Variants in CCDC25 observed in about 807,000 individuals in gnomAD.
The protein encoded by CCDC25 is coiled-coil domain containing 25.
In CCDC25, 16 loss-of-function variants were observed where a neutral mutation model predicts 35.3. The observed-to-expected ratio is 0.45, with a 90% CI of 0.31 to 0.69. The LOEUF (loss-of-function observed/expected upper bound fraction) is 0.69. Ranked by LOEUF, CCDC25 falls within the 30% of genes least tolerant of loss-of-function variation. The probability of loss-of-function intolerance (pLI) is 0.06; values close to 1 mark genes in which losing one functional copy is unlikely to be tolerated. For missense variants in CCDC25, 179 were observed against 250.7 expected (o/e 0.71, Z 1.93); for synonymous variants, 79 against 80.3 (o/e 0.98, Z 0.09).
intron 3 of CCDC25, among the ~76,000 whole-genome samples, chr8:27,760,557 T>A (rs1025618909): frequency 3.9e-4 from 59 of 152,102 alleles, no homozygotes; most frequent in African/African-American, 1.4e-3. Flanking sequence ...AATTAGGAAA[T>A]CAACCAATAT....
At chr8:27,744,963 G>A (rs13280942) in intron 7 of CCDC25, among the ~76,000 whole-genome samples, 45,588 of 151,998 alleles carry the variant, frequency 0.3, 7,987 homozygotes, top group Middle Eastern at 0.4. Flanking sequence ...CCAATTACCT[G>A]AGCTTTGGGT....
intron 5 of CCDC25, among the ~76,000 whole-genome samples, chr8:27,751,138 G>T (rs1437566637): frequency 6.6e-6 from 1 of 152,204 alleles, no homozygotes; most frequent in East Asian, 1.9e-4. Context: ...ACTATGAAGA[G>T]ATTAAGAAGA....
chr8:27,737,875 T>TACACACACAC lies in CCDC25; in HGVS notation c.598-1631_598-1630insGTGTGTGTGT, dbSNP rs200945575. Among the ~76,000 whole-genome samples the TACACACACAC allele has an allele frequency of 0.021, 2,825 of 136,134 alleles. 62 individuals carry two copies. The highest frequency in any genetic ancestry group is 0.056 in the African/African-American group (2,088 of 37,596). 89.3% of individuals were successfully genotyped at this position (136,134 alleles called of 152,430 possible). A position where few individuals can be genotyped will look rare whatever the true frequency, so the allele number is the denominator to read the frequency against. ...GGATAAAGAAACTGTGGTGTGTGTA[T>TACACACACAC]ACACACACTCACACACACACACACA... is the stretch of plus-strand genomic sequence containing the variant. On this transcript the variant is annotated intron_variant, in intron 8 of 8. Transcript: ENST00000356537. The surrounding 1 kb of genome is among the most constrained non-coding windows in gnomAD (Gnocchi z 4.6).
chr8:27,738,381 AAGAG>A (rs1389994728), intron 8 of CCDC25, among the ~76,000 whole-genome samples: 6 of 152,174 alleles, frequency 3.9e-5, no homozygotes, highest in Non-Finnish European at 8.8e-5. Flanking sequence ...TTTTCACTGA[AAGAG>A]AGAATAAAAA....
At chr8:27,767,131 C>T (rs1368420331) in intron 1 of CCDC25, among the ~76,000 whole-genome samples, 2 of 152,210 alleles carry the variant, frequency 1.3e-5, no homozygotes, top group Non-Finnish European at 1.5e-5. Context: ...TTCAGGAGGC[C>T]GCGGTGGGCA....
rs1803268196 is a variant in CCDC25 at position 27,737,283 on chromosome 8, A to ATT, written c.598-1039_598-1038insAA. ...ATGATTGCCCCAGAGTCTTAATCTGAAATAAAAGCAGTAGCAATGTTTGAA... is the reference window on the plus strand; with the variant it reads ...ATGATTGCCCCAGAGTCTTAATCTGATTAATAAAAGCAGTAGCAATGTTTGAA... On this transcript the variant is annotated intron_variant, in intron 8 of 8. Coordinates refer to ENST00000356537, the MANE Select transcript of CCDC25 (RefSeq NM_018246.3). This position sits in a 1 kb window ranked among gnomAD's most constrained non-coding sequence, Gnocchi z 4.6. Among the ~76,000 whole-genome samples, 1 of 152,196 alleles carries ATT rather than the reference A, an allele frequency of 6.6e-6. No individual in the cohort carries two copies.
intron 1 of CCDC25, 41 bp from the exon 2 acceptor site, chr8:27,765,292 C>CA: frequency 5.1e-6 from 7 of 1,377,938 alleles, no homozygotes; most frequent in Non-Finnish European, 6.8e-6. Context: ...GTAACTTCAT[C>CA]ACCAACAAAA....
At chr8:27,763,948 A>G (rs1804313861) in intron 2 of CCDC25, among the ~76,000 whole-genome samples, 1 of 152,174 alleles carries the variant, frequency 6.6e-6, no homozygotes, top group Non-Finnish European at 1.5e-5. Flanking sequence ...CCAAAAGGTA[A>G]GCAAAAAAAG....
At chr8:27,767,416 C>G in intron 1 of CCDC25, among the ~76,000 whole-genome samples, 1 of 152,028 alleles carries the variant, frequency 6.6e-6, no homozygotes. Context: ...TCTCTGCAGG[C>G]CAAGCTGTCT....
Position 27,736,146 on chromosome 8 carries a change from A to G in CCDC25, c.*70T>C. ...TTGTATTTTATATTTCAGAACACAG[A>G]TGAAACCAAAAGGTCTGCAATTGTC... On this transcript the variant is annotated 3_prime_UTR_variant, in exon 9 of 9. Transcript: ENST00000356537. The G allele has an allele frequency of 2.0e-6, 3 of 1,482,518 alleles. No individual in the cohort carries two copies. The highest frequency in any genetic ancestry group is 2.8e-6 in the Non-Finnish European group (3 of 1,081,632). The allele number at this position is 1,482,518 out of a possible 1,614,324, so 91.8% of individuals were successfully genotyped here.
At chr8:27,746,881 G>A (rs1803621287) in intron 7 of CCDC25, among the ~76,000 whole-genome samples, 2 of 152,158 alleles carry the variant, frequency 1.3e-5, no homozygotes, top group Admixed American at 6.5e-5. Context: ...CCTACATTCT[G>A]ACCCAACAAT....
At chr8:27,769,779 CT>C (rs1205022316) in intron 1 of CCDC25, among the ~76,000 whole-genome samples, 2 of 152,194 alleles carry the variant, frequency 1.3e-5, no homozygotes, top group Non-Finnish European at 2.9e-5. Context: ...GAGCCTCAAT[CT>C]TACTTCTAAA....
intron 1 of CCDC25, among the ~76,000 whole-genome samples, chr8:27,770,914 C>A (rs866838163): frequency 1.5e-4 from 23 of 152,078 alleles, no homozygotes; most frequent in Middle Eastern, 3.2e-3. Context: ...TACAGTAGTC[C>A]CCCCTTATCT....
At position 27,733,477 on chromosome 8, in the gene CCDC25, A is replaced by G. The variant is rs1585330631; in HGVS notation, c.*2739T>C. 6.6e-6 allele frequency: 1 copy of G among 152,354 alleles called. No homozygotes were observed. The highest frequency in any genetic ancestry group is 1.5e-5 in the Non-Finnish European group (1 of 68,032). 9.4% of individuals were successfully genotyped at this position (152,354 alleles called of 1,614,324 possible). A position where few individuals can be genotyped will look rare whatever the true frequency, so the allele number is the denominator to read the frequency against. ...ACGTGCCCGGCAGGAAGGAGCTCTCACGAAGTGCCAGCTGGATGTGAGCTT... is the reference window on the plus strand; with the variant it reads ...ACGTGCCCGGCAGGAAGGAGCTCTCGCGAAGTGCCAGCTGGATGTGAGCTT... On this transcript the variant is annotated 3_prime_UTR_variant, in exon 9 of 9. Coordinates refer to ENST00000356537, the MANE Select transcript of CCDC25 (RefSeq NM_018246.3).
At chr8:27,771,481 A>G (rs142286146) in intron 1 of CCDC25, among the ~76,000 whole-genome samples, 144 of 152,342 alleles carry the variant, frequency 9.5e-4, no homozygotes, top group African/African-American at 3.3e-3. Context: ...TAGAACGATT[A>G]TAACAACGTA....
Position 27,759,779 on chromosome 8 carries a change from C to CAAAAAAAAAAAAAAAAAA in CCDC25, c.116+2622_116+2639dup, listed in dbSNP as rs77051762. Among the ~76,000 whole-genome samples the CAAAAAAAAAAAAAAAAAA allele has an allele frequency of 1.6e-3, 149 of 91,204 alleles. 7 individuals carry two copies. Among genetic ancestry groups the CAAAAAAAAAAAAAAAAAA allele is most frequent in the Middle Eastern group, 9.3e-3 (2 of 214 alleles). 59.8% of individuals were successfully genotyped at this position (91,204 alleles called of 152,430 possible). A position where few individuals can be genotyped will look rare whatever the true frequency, so the allele number is the denominator to read the frequency against. Reference sequence around the variant, plus strand: ...TGGGTGACAGAGCAAGACTCTGTCTCAAAAAAAAAAAAAAAAAAAAGATGA... The same window carrying CAAAAAAAAAAAAAAAAAA: ...TGGGTGACAGAGCAAGACTCTGTCTCAAAAAAAAAAAAAAAAAAAAAAAAAAAAAAAAAAAAAAGATGA... On this transcript the variant is annotated intron_variant, in intron 3 of 8. Transcript: ENST00000356537.
At chr8:27,744,216 T>C (rs1212408096) in intron 7 of CCDC25, among the ~76,000 whole-genome samples, 2 of 152,212 alleles carry the variant, frequency 1.3e-5, no homozygotes, top group Admixed American at 6.5e-5. Flanking sequence ...TTATGACATA[T>C]ATAAGTTACT....
chr8:27,740,575 T>C, intron 7 of CCDC25, 58 bp from the exon 8 acceptor site: 1 of 1,475,154 alleles, frequency 6.8e-7, no homozygotes, highest in Non-Finnish European at 9.4e-7. Flanking sequence ...TCAACAAATA[T>C]TTGATGAACA....
At chr8:27,766,633 C>T (rs928261174) in intron 1 of CCDC25, among the ~76,000 whole-genome samples, 1 of 152,124 alleles carries the variant, frequency 6.6e-6, no homozygotes, top group African/African-American at 2.4e-5. Flanking sequence ...ATTTTCTCTG[C>T]ATGGCCTGGC....
Sources: allele counts gnomAD v4.1 joint callset (sites outside exome capture counted in the v4.1 genomes callset), GRCh38; gene constraint gnomAD v4.1.1; non-coding constraint Gnocchi (gnomAD v3.1); transcripts MANE v1.5; gene names NCBI Gene and HGNC (gene_info 2026-07-23, HGNC 2026-07-21).